STK39: variants seen among roughly 807,000 people sequenced by gnomAD.
STK39 encodes STE20/SPS1-related proline-alanine-rich protein kinase.
STK39 carries 20 observed loss-of-function variants against 77.8 expected under a neutral mutation model. That is an observed-to-expected ratio of 0.26 (90% confidence interval 0.18 to 0.37). STK39 has a LOEUF of 0.37. STK39 is among the 10% of genes least tolerant of loss of function. The pLI, the probability that STK39 is intolerant of heterozygous loss-of-function variation, is 1.00. For missense variants in STK39, 479 were observed against 656.5 expected, an observed-to-expected ratio of 0.73 and a Z score of 2.95; for synonymous variants, 246 against 234.1, an observed-to-expected ratio of 1.05 and a Z score of -0.47.
chr2:168,234,993 A>C (rs904917377), intron 1 of STK39, among the ~76,000 whole-genome samples: 15 of 151,956 alleles, frequency 9.9e-5, no homozygotes, highest in Non-Finnish European at 1.6e-4. Flanking sequence ...TCTCTAACAA[A>C]AAAAAAAAAA....
intron 16 of STK39, among the ~76,000 whole-genome samples, chr2:167,986,562 G>T (rs1219071007): frequency 6.6e-6 from 1 of 152,110 alleles, no homozygotes; most frequent in Admixed American, 6.5e-5. Flanking sequence ...ATACCAATTT[G>T]CTGTCTTTCA....
In STK39 at chr2:168,203,254, G is replaced by A. The variant is rs191099816; in HGVS notation, c.209-21164C>T. Among the ~76,000 whole-genome samples, 26 of 152,246 alleles carry A rather than the reference G, an allele frequency of 1.7e-4. 1 individual carries two copies. In the East Asian group the frequency reaches 4.6e-3, roughly 27 times the overall value. ...GTTAGAGGGGTTCTGCCTGAAAGAA[G>A]AAAGAGAAAGGGGAGTGGGGTAAAG... On this transcript the variant is annotated intron_variant, in intron 1 of 17. Transcript: ENST00000355999.
chr2:168,247,373 T>C lies in STK39; in HGVS notation c.63A>G (p.Thr21=), dbSNP rs1181007303. The C allele has an allele frequency of 1.4e-4, 135 of 984,422 alleles. 1 individual carries two copies. The highest frequency in any genetic ancestry group is 1.6e-4 in the Non-Finnish European group (127 of 799,766). 61.0% of individuals were successfully genotyped at this position (984,422 alleles called of 1,614,324 possible). ...CCGCCGGGGCCGCCGCCGCCGCCGC[T>C]GTCACCGGGGCCGCCTGCTGGGGAA... is the stretch of plus-strand genomic sequence containing the variant. ...VQLPQQAAPV[T]AAAAAAPAAA... is the part of the protein sequence containing the mutation. The change falls in exon 1 of 18, where the codon ACA becomes ACG. Residue 21 remains threonine (T), a synonymous_variant. Coordinates refer to ENST00000355999, the MANE Select transcript of STK39 (RefSeq NM_013233.3).
At chr2:168,245,470 G>C (rs566960720) in intron 1 of STK39, among the ~76,000 whole-genome samples, 34 of 152,292 alleles carry the variant, frequency 2.2e-4, no homozygotes, top group African/African-American at 5.8e-4. Context: ...CATGCTATGA[G>C]GTCTGTAAAA....
intron 1 of STK39, among the ~76,000 whole-genome samples, chr2:168,236,087 C>G (rs1335512429): frequency 6.6e-6 from 1 of 151,712 alleles, no homozygotes; most frequent in African/African-American, 2.4e-5. Flanking sequence ...TAAAAGTGTT[C>G]CTATTTCTCC....
chr2:168,241,928 C>T (rs368686956), intron 1 of STK39, among the ~76,000 whole-genome samples: 18 of 152,166 alleles, frequency 1.2e-4, no homozygotes, highest in African/African-American at 2.4e-4. Flanking sequence ...CGTCAGTGAC[C>T]GCCATTGCAG....
chr2:167,991,213 C>A (rs1342926529), intron 16 of STK39, among the ~76,000 whole-genome samples: 1 of 152,198 alleles, frequency 6.6e-6, no homozygotes, highest in Non-Finnish European at 1.5e-5. Flanking sequence ...AACTTACACC[C>A]TTCCCCAGTG....
chr2:168,111,888 G>A (rs1687128748), intron 10 of STK39, among the ~76,000 whole-genome samples: 1 of 151,984 alleles, frequency 6.6e-6, no homozygotes, highest in South Asian at 2.1e-4. Context: ...AACCTCACTG[G>A]ATCTTTATTG....
At position 168,063,584 on chromosome 2, in the gene STK39, A is replaced by G. The variant is rs1685718678; in HGVS notation, c.1306-14T>C. 6.2e-7 allele frequency: 1 copy of G among 1,605,534 alleles called. No individual in the cohort carries two copies. The highest frequency in any genetic ancestry group is 1.3e-5 in the African/African-American group (1 of 74,404). On this transcript the variant is annotated splice_polypyrimidine_tract_variant and intron_variant, in intron 13 of 17. Coordinates refer to ENST00000355999, the MANE Select transcript of STK39 (RefSeq NM_013233.3). Reference sequence around the variant, plus strand: ...ATTGGGTGGGCCCTTTAAAAAGAAAACAGCAAACAGTGTTATAAACTGTAT... The same window carrying G: ...ATTGGGTGGGCCCTTTAAAAAGAAAGCAGCAAACAGTGTTATAAACTGTAT...
chr2:168,109,348 C>T (rs972547074), intron 10 of STK39, among the ~76,000 whole-genome samples: 1 of 152,190 alleles, frequency 6.6e-6, no homozygotes, highest in Non-Finnish European at 1.5e-5. Context: ...TAGTATCACT[C>T]TGACTACAGT....
At chr2:168,187,870 T>C (rs1689246733) in intron 1 of STK39, among the ~76,000 whole-genome samples, 2 of 152,198 alleles carry the variant, frequency 1.3e-5, no homozygotes, top group Admixed American at 1.3e-4. Context: ...TTCCCATAAA[T>C]GGCAAGATTT....
intron 10 of STK39, among the ~76,000 whole-genome samples, chr2:168,110,389 T>C (rs917483531): frequency 1.3e-5 from 2 of 152,058 alleles, no homozygotes; most frequent in Admixed American, 1.3e-4. Context: ...TATGCCACCA[T>C]GCCTGGCTAA....
intron 10 of STK39, among the ~76,000 whole-genome samples, chr2:168,095,728 G>A (rs1043444235): frequency 6.8e-6 from 1 of 147,030 alleles, no homozygotes; most frequent in African/African-American, 2.5e-5. Context: ...CTGGGTTCAC[G>A]CCATTATCCT....
chr2:168,123,860 G>A (rs1411406201), intron 10 of STK39, among the ~76,000 whole-genome samples: 5 of 124,472 alleles, frequency 4.0e-5, no homozygotes, highest in Admixed American at 9.5e-5. Flanking sequence ...GCAAAAGAGC[G>A]AGATTCCATC....
At chr2:168,062,023 T>TA (rs1685678813) in intron 14 of STK39, among the ~76,000 whole-genome samples, 1 of 152,110 alleles carries the variant, frequency 6.6e-6, no homozygotes, top group African/African-American at 2.4e-5. Context: ...TATTTAGTAT[T>TA]AAAGGGGCCA....
intron 1 of STK39, among the ~76,000 whole-genome samples, chr2:168,245,563 G>T (rs886685055): frequency 1.3e-5 from 2 of 152,200 alleles, no homozygotes; most frequent in African/African-American, 4.8e-5. Flanking sequence ...CCTTGGAAGC[G>T]GAGTGAGATT....
intron 10 of STK39, among the ~76,000 whole-genome samples, chr2:168,118,048 G>A (rs957411008): frequency 1.4e-4 from 21 of 152,026 alleles, no homozygotes; most frequent in Non-Finnish European, 5.9e-5. Flanking sequence ...GGTACACTAG[G>A]ATTAGAGGGA....
At chr2:168,042,981 T>C (rs955136790) in intron 14 of STK39, among the ~76,000 whole-genome samples, 3 of 152,122 alleles carry the variant, frequency 2.0e-5, no homozygotes, top group African/African-American at 4.8e-5. Flanking sequence ...ATGTTAAATA[T>C]GTATTTGGTA....
chr2:168,166,049 G>A (rs897369928), intron 3 of STK39, among the ~76,000 whole-genome samples: 4 of 152,122 alleles, frequency 2.6e-5, no homozygotes. Context: ...TCTGCAAAAC[G>A]AAGGTGTAAA....
Sources: gnomAD v4.1 joint callset for allele counts (sites outside exome capture counted in the v4.1 genomes callset) on GRCh38, gnomAD v4.1.1 for gene constraint, MANE v1.5 for transcripts, NCBI Gene and HGNC (gene_info 2026-07-23, HGNC 2026-07-21) for gene names.